PCDH7: variants seen among roughly 807,000 people sequenced by gnomAD.
PCDH7 encodes protocadherin-7.
A neutral mutation model predicts 58.9 loss-of-function variants in PCDH7; 17 were observed. The observed-to-expected ratio is 0.29, with a 90% confidence interval of 0.20 to 0.43. The LOEUF is 0.43. Ranked by LOEUF, PCDH7 falls within the 20% of genes least tolerant of loss-of-function variation. PCDH7 has a pLI of 1.00. For missense variants in PCDH7, 1,274 were observed against 1,441.0 expected (o/e 0.88, Z 1.88); for synonymous variants, 664 against 616.4 (o/e 1.08, Z -1.14).
At chr4:30,734,523 T>G (rs563520980), downstream of PCDH7, among the ~76,000 whole-genome samples, 2 of 152,312 alleles carry the variant, frequency 1.3e-5, no homozygotes, top group East Asian at 3.9e-4. Context: ...CTTGTGCCAC[T>G]GCGCCTGGCC....
At chr4:31,103,602 G>A (rs1715176794) in intron 3 of PCDH7, among the ~76,000 whole-genome samples, 1 of 152,098 alleles carries the variant, frequency 6.6e-6, no homozygotes. Context: ...CTCCCAAAGT[G>A]CTGGGATTAC....
intron 1 of PCDH7, among the ~76,000 whole-genome samples, chr4:30,826,008 C>T (rs1161653818): frequency 2.0e-5 from 3 of 152,090 alleles, no homozygotes. Context: ...TCTTTCCTCC[C>T]TTTTTCTCTG....
intron 3 of PCDH7, among the ~76,000 whole-genome samples, chr4:31,038,575 ATTATT>A (rs1242122885): frequency 2.0e-5 from 3 of 152,112 alleles, no homozygotes; most frequent in Non-Finnish European, 4.4e-5. Flanking sequence ...TTCAAAAGAT[ATTATT>A]TTATATTTTT....
intron 1 of PCDH7, among the ~76,000 whole-genome samples, chr4:30,894,509 A>G (rs1273695626): frequency 1.8e-5 from 1 of 54,260 alleles, no homozygotes; most frequent in Admixed American, 2.2e-4. Context: ...ATATATATAT[A>G]TATATATACA....
chr4:30,860,712 T>C (rs1361913323), intron 1 of PCDH7, among the ~76,000 whole-genome samples: 1 of 152,182 alleles, frequency 6.6e-6, no homozygotes, highest in African/African-American at 2.4e-5. Flanking sequence ...TGTATTAAAA[T>C]TTTTATGTAA....
intron 2 of PCDH7, among the ~76,000 whole-genome samples, chr4:30,935,113 CTA>C (rs1221816519): frequency 6.6e-6 from 1 of 151,920 alleles, no homozygotes. Context: ...TATTACTTTA[CTA>C]TATTTAGTGA....
chr4:30,835,662 G>T (rs1730401483), intron 1 of PCDH7, among the ~76,000 whole-genome samples: 1 of 152,088 alleles, frequency 6.6e-6, no homozygotes, highest in African/African-American at 2.4e-5. Flanking sequence ...ACATTTTAAT[G>T]ATGATTCTAT....
At chr4:30,902,534 A>G (rs149392583) in intron 1 of PCDH7, among the ~76,000 whole-genome samples, 1 of 152,282 alleles carries the variant, frequency 6.6e-6, no homozygotes, top group East Asian at 1.9e-4. Flanking sequence ...GGGAGCAGAA[A>G]CACTGGTGAA....
chr4:31,014,145 G>GA (rs1391439978), intron 3 of PCDH7, among the ~76,000 whole-genome samples: 3 of 151,104 alleles, frequency 2.0e-5, no homozygotes, highest in East Asian at 1.9e-4. Context: ...CATTGCTATA[G>GA]AAAAAAAAGG....
chr4:31,101,100 AT>A (rs778860622), intron 3 of PCDH7, among the ~76,000 whole-genome samples: 14 of 151,088 alleles, frequency 9.3e-5, no homozygotes, highest in East Asian at 1.9e-4. Context: ...ACCAGGTAGC[AT>A]TTTTTTTTCA....
chr4:31,105,569 T>G (rs1715450483), intron 3 of PCDH7, among the ~76,000 whole-genome samples: 1 of 152,136 alleles, frequency 6.6e-6, no homozygotes, highest in Non-Finnish European at 1.5e-5. Context: ...ATCACTGAAA[T>G]GAAGAAGCAA....
chr4:30,739,368 T>C (rs1336279671), intron 1 of PCDH7, among the ~76,000 whole-genome samples: 1 of 151,776 alleles, frequency 6.6e-6, no homozygotes, highest in Admixed American at 6.6e-5. Context: ...TTTGACCCTC[T>C]ACAATTAATA....
intron 1 of PCDH7, chr4:30,884,804 A>G (rs577188613): frequency 1.3e-5 from 2 of 152,286 alleles, no homozygotes; most frequent in East Asian, 1.9e-4. Context: ...GGGGTTGGCT[A>G]AACTGTAATT....
chr4:30,982,018 C>T (rs1238283162), intron 3 of PCDH7, among the ~76,000 whole-genome samples: 1 of 152,120 alleles, frequency 6.6e-6, no homozygotes, highest in Non-Finnish European at 1.5e-5. Flanking sequence ...TAGTTAATAA[C>T]AATGTATCGT....
rs140770659 is a variant in PCDH7, at chr4:30,820,462, C to T, written c.70+95866C>T. Among the ~76,000 whole-genome samples the T allele has an allele frequency of 3.3e-5, 5 of 152,260 alleles. No homozygotes were observed. In the East Asian group the frequency reaches 9.7e-4, roughly 29 times the overall value. On this transcript the variant is annotated intron_variant, in intron 1 of 3. Coordinates refer to the PCDH7 transcript ENST00000509759. ...GGACAAGGAGTTGCGTATTTGACTACTTCTTGTGTATGAAGAACCACATTG... is the reference window on the plus strand; with the variant it reads ...GGACAAGGAGTTGCGTATTTGACTATTTCTTGTGTATGAAGAACCACATTG...
intron 1 of PCDH7, among the ~76,000 whole-genome samples, chr4:30,843,498 A>C (rs1207338886): frequency 2.0e-5 from 3 of 152,144 alleles, no homozygotes; most frequent in Non-Finnish European, 4.4e-5. Context: ...CTGGCCTGGA[A>C]TATAGAACTT....
At chr4:30,831,444 G>A (rs1382781934) in intron 1 of PCDH7, among the ~76,000 whole-genome samples, 1 of 152,056 alleles carries the variant, frequency 6.6e-6, no homozygotes, top group African/African-American at 2.4e-5. Context: ...GGTAATATCA[G>A]TTTTAAACTG....
Position 30,968,376 on chromosome 4 carries a change from CTATATATATATATATATATATATA to C in PCDH7, c.*7+18177_*7+18200del, listed in dbSNP as rs60085619. 1.3e-4 allele frequency among the ~76,000 whole-genome samples: 9 copies of C among 67,066 alleles called. 1 individual carries two copies. Among genetic ancestry groups the C allele is most frequent in the Non-Finnish European group, 1.9e-4 (7 of 37,582 alleles). 44.0% of individuals were successfully genotyped at this position (67,066 alleles called of 152,430 possible). On this transcript the variant is annotated intron_variant, in intron 3 of 3. Transcript: ENST00000509759. The stretch of plus-strand genomic sequence containing the variant: ...TACACACACTATATATATACACACA[CTATATATATATATATATATATATA>C]TATATATATATATATGGGATATTAT...
chr4:30,968,835 A>G (rs969616062), intron 3 of PCDH7, among the ~76,000 whole-genome samples: 2 of 152,172 alleles, frequency 1.3e-5, no homozygotes, highest in East Asian at 3.9e-4. Flanking sequence ...GGATAACTCC[A>G]GGTTCTGAAC....
Sources: gnomAD v4.1 joint callset for allele counts (sites outside exome capture counted in the v4.1 genomes callset) on GRCh38, gnomAD v4.1.1 for gene constraint, MANE v1.5 for transcripts, NCBI Gene and HGNC (gene_info 2026-07-23, HGNC 2026-07-21) for gene names.